Variants in SBF2 observed in about 807,000 individuals in gnomAD.
The protein encoded by SBF2 is SET binding factor 2, also known as myotubularin-related protein 13.
In SBF2, 112 loss-of-function variants were observed where a neutral mutation model predicts 225.2. The observed-to-expected ratio is 0.50, with a 90% CI of 0.43 to 0.58. The LOEUF (loss-of-function observed/expected upper bound fraction) is 0.58, where lower values mean the gene tolerates loss of function less well. Ranked by LOEUF, SBF2 falls within the 20% of genes least tolerant of loss-of-function variation. The probability of loss-of-function intolerance (pLI) is 0.00; values close to 1 mark genes in which losing one functional copy is unlikely to be tolerated. For synonymous variants in SBF2, 763 were observed against 773.3 expected (o/e 0.99, Z 0.22); for missense variants, 1,996 against 2,206.2 (o/e 0.90, Z 1.91).
chr11:9,920,956 C>T (rs1863572538), intron 16 of SBF2, among the ~76,000 whole-genome samples: 1 of 151,636 alleles, frequency 6.6e-6, no homozygotes, highest in Non-Finnish European at 1.5e-5. Context: ...CTACTTCTTT[C>T]TTTCTCTTTT....
At chr11:10,166,589 G>C (rs560772785) in intron 2 of SBF2, among the ~76,000 whole-genome samples, 156 of 152,232 alleles carry the variant, frequency 1.0e-3, no homozygotes, top group African/African-American at 3.7e-3. Context: ...TGTGTTAAAA[G>C]AACAAATCCA....
intron 2 of SBF2, among the ~76,000 whole-genome samples, chr11:10,128,830 A>AG (rs936492452): frequency 5.2e-4 from 79 of 152,346 alleles, no homozygotes; most frequent in African/African-American, 1.8e-3. Flanking sequence ...TAAAACACGT[A>AG]GGGGAAATAA....
intron 16 of SBF2, among the ~76,000 whole-genome samples, chr11:9,918,953 A>G (rs1014759200): frequency 1.3e-5 from 2 of 151,876 alleles, no homozygotes; most frequent in South Asian, 2.1e-4. Context: ...CGTGTTAGCC[A>G]GGATGGTCTT....
In SBF2 at chr11:10,111,507, A is replaced by G. The variant is rs927663416; in HGVS notation, c.142-68526T>C. On this transcript the variant is annotated intron_variant, in intron 2 of 39. Transcript: ENST00000256190. ...TAATGCATAATTTTGGAGTGTGTCA[A>G]CAACACTAGAGCCTTAAGAATTTCT... 2.4e-4 allele frequency among the ~76,000 whole-genome samples: 37 copies of G among 152,374 alleles called. 1 individual carries two copies. Among genetic ancestry groups the G allele is most frequent in the Admixed American group, 1.8e-3 (27 of 15,308 alleles).
intron 2 of SBF2, among the ~76,000 whole-genome samples, chr11:10,145,214 C>T (rs1954831595): frequency 6.6e-6 from 1 of 152,154 alleles, no homozygotes; most frequent in Admixed American, 6.5e-5. Context: ...GGCACCTGGG[C>T]TAGGAGATTC....
intron 1 of SBF2, among the ~76,000 whole-genome samples, chr11:10,231,358 C>T (rs532078902): frequency 4.1e-4 from 62 of 152,308 alleles, no homozygotes; most frequent in African/African-American, 1.4e-3. Flanking sequence ...TGAGGAGCTG[C>T]GTTCCTTTGG....
chr11:9,780,870 C>T lies in SBF2; in HGVS notation c.5452-354G>A, dbSNP rs1162606012. 3.2e-5 allele frequency: 11 copies of T among 339,160 alleles called. 1 individual carries two copies. The highest frequency in any genetic ancestry group is 5.7e-5 in the Non-Finnish European group (10 of 174,930). 21.0% of individuals were successfully genotyped at this position (339,160 alleles called of 1,614,324 possible). The stretch of plus-strand genomic sequence containing the variant: ...ACTGAAGGTGAGGGAGCTCCTTGTG[C>T]TCCAGGGGGATGCCTGAGATTCATG... On this transcript the variant is annotated intron_variant, in intron 39 of 39. Coordinates refer to ENST00000256190, the MANE Select transcript of SBF2 (RefSeq NM_030962.4).
intron 16 of SBF2, among the ~76,000 whole-genome samples, chr11:9,940,204 C>A (rs1865167898): frequency 6.6e-6 from 1 of 152,030 alleles, no homozygotes; most frequent in Admixed American, 6.6e-5. Context: ...GAGATCGAGA[C>A]CATCCTGGCT....
chr11:9,888,419 G>A (rs747484929), intron 17 of SBF2, among the ~76,000 whole-genome samples: 33 of 151,690 alleles, frequency 2.2e-4, no homozygotes, highest in Non-Finnish European at 4.7e-4. Flanking sequence ...TGGGAGGATT[G>A]CTTAAGCCCA....
At chr11:9,828,477 G>C (rs1386764677) in intron 28 of SBF2, 1 of 985,272 alleles carries the variant, frequency 1.0e-6, no homozygotes, top group Admixed American at 6.1e-5. Context: ...GGCATGCATG[G>C]TGTTATTTTA....
At chr11:10,087,354 CAA>C (rs2134895560) in intron 2 of SBF2, among the ~76,000 whole-genome samples, 1 of 152,134 alleles carries the variant, frequency 6.6e-6, no homozygotes, top group South Asian at 2.1e-4. Flanking sequence ...AATTTTTTTT[CAA>C]GAGACAAAGA....
intron 2 of SBF2, among the ~76,000 whole-genome samples, chr11:10,067,268 C>A (rs1193311861): frequency 6.6e-6 from 1 of 152,118 alleles, no homozygotes; most frequent in African/African-American, 2.4e-5. Context: ...TTGATATTGT[C>A]AAGATGTCAA....
intron 1 of SBF2, among the ~76,000 whole-genome samples, chr11:10,268,736 G>A (rs1962219529): frequency 6.6e-6 from 1 of 152,210 alleles, no homozygotes; most frequent in African/African-American, 2.4e-5. Flanking sequence ...ATAGCATACT[G>A]TGATATATTT....
intron 6 of SBF2, among the ~76,000 whole-genome samples, chr11:10,006,999 C>A (rs1272024294): frequency 6.6e-6 from 1 of 152,156 alleles, no homozygotes. Context: ...GAGACCCATA[C>A]GACAGACATG....
intron 16 of SBF2, among the ~76,000 whole-genome samples, chr11:9,938,998 C>A (rs1007616055): frequency 6.6e-6 from 1 of 151,716 alleles, no homozygotes; most frequent in East Asian, 1.9e-4. Context: ...AAAAAGTTAA[C>A]CCAAAAGAAA....
intron 2 of SBF2, among the ~76,000 whole-genome samples, chr11:10,157,114 C>A (rs1312122414): frequency 1.3e-5 from 2 of 152,132 alleles, no homozygotes; most frequent in Non-Finnish European, 2.9e-5. Flanking sequence ...AATAAGACTG[C>A]ACACCTACAA....
chr11:10,164,045 T>C (rs569571881), intron 2 of SBF2, among the ~76,000 whole-genome samples: 1 of 152,328 alleles, frequency 6.6e-6, no homozygotes, highest in Admixed American at 6.5e-5. Flanking sequence ...GTTATCCAAA[T>C]TTGAATCAGT....
chr11:9,904,347 TA>T (rs1861958422), intron 16 of SBF2, among the ~76,000 whole-genome samples: 1 of 152,094 alleles, frequency 6.6e-6, no homozygotes, highest in Non-Finnish European at 1.5e-5. Context: ...AATGCATTAC[TA>T]GGGATAAAAT....
At position 10,119,855 on chromosome 11, in the gene SBF2, T is replaced by C. The variant is rs761589737; in HGVS notation, c.141+74047A>G. Among the ~76,000 whole-genome samples, 45 of 152,208 alleles carry C rather than the reference T, an allele frequency of 3.0e-4. 1 individual carries two copies. The highest frequency in any genetic ancestry group is 6.0e-4 in the Non-Finnish European group (41 of 68,028). ...ATCAACCTGGGAGGCTTTTTAAATT[T>C]TGCAATATCAAGACTCCATCTCAAA... On this transcript the variant is annotated intron_variant, in intron 2 of 39. Transcript: ENST00000256190.
Sources: gnomAD v4.1 joint callset for allele counts (sites outside exome capture counted in the v4.1 genomes callset) on GRCh38, gnomAD v4.1.1 for gene constraint, MANE v1.5 for transcripts, NCBI Gene and HGNC (gene_info 2026-07-23, HGNC 2026-07-21) for gene names.